The following ALK variants were observed in gnomAD, a reference collection of about 807,000 sequenced individuals.
ALK encodes ALK receptor tyrosine kinase.
In ALK, 74 loss-of-function variants were observed where a neutral mutation model predicts 163.1. The observed-to-expected ratio is 0.45, with a 90% CI of 0.38 to 0.55. The LOEUF is 0.55. Ranked by LOEUF, ALK falls within the 20% of genes least tolerant of loss-of-function variation. The pLI, the probability that ALK is intolerant of heterozygous loss-of-function variation, is 0.00. For missense variants in ALK, 2,063 were observed against 2,105.3 expected (o/e 0.98, Z 0.39); for synonymous variants, 960 against 843.2 (o/e 1.14, Z -2.40).
intron 16 of ALK, among the ~76,000 whole-genome samples, chr2:29,228,424 G>A (rs891788671): frequency 6.6e-6 from 1 of 152,186 alleles, no homozygotes; most frequent in Admixed American, 6.5e-5. Flanking sequence ...CCTGCCTGCA[G>A]TTGCCCTCGG....
chr2:29,360,635 C>A (rs10199963), intron 5 of ALK, among the ~76,000 whole-genome samples: 13,863 of 152,106 alleles, frequency 0.091, 788 homozygotes, highest in African/African-American at 0.16. Context: ...GGACTCTTAT[C>A]CTCAAAGAGT....
At chr2:29,669,238 T>G (rs533880109) in intron 3 of ALK, among the ~76,000 whole-genome samples, 5 of 152,228 alleles carry the variant, frequency 3.3e-5, no homozygotes, top group African/African-American at 9.6e-5. Context: ...TATCTCTCCC[T>G]TTAGATCTAT....
intron 3 of ALK, among the ~76,000 whole-genome samples, chr2:29,691,541 C>T (rs1050695716): frequency 6.6e-6 from 1 of 152,176 alleles, no homozygotes; most frequent in Admixed American, 6.5e-5. Flanking sequence ...AACAGATATT[C>T]CAATCCTGAT....
chr2:29,835,999 G>A (rs907459098), intron 1 of ALK, among the ~76,000 whole-genome samples: 2 of 152,048 alleles, frequency 1.3e-5, no homozygotes, highest in African/African-American at 4.8e-5. Context: ...CATCACCGAG[G>A]CACAACTTCC....
intron 8 of ALK, among the ~76,000 whole-genome samples, chr2:29,304,507 A>AG (rs908003984): frequency 5.3e-5 from 8 of 151,534 alleles, no homozygotes; most frequent in African/African-American, 9.7e-5. Flanking sequence ...AAAAAAAAAA[A>AG]AAAAGAAAAG....
At chr2:29,845,708 A>G (rs916108968) in intron 1 of ALK, among the ~76,000 whole-genome samples, 7 of 152,242 alleles carry the variant, frequency 4.6e-5, no homozygotes, top group Non-Finnish European at 1.0e-4. Context: ...TACTAGGATG[A>G]CAGGTGTGAG....
At chr2:29,393,346 A>G (rs549172278) in intron 4 of ALK, among the ~76,000 whole-genome samples, 1 of 152,130 alleles carries the variant, frequency 6.6e-6, no homozygotes. Context: ...CTCTTCCCCA[A>G]AATCAGTCAT....
At chr2:29,562,862 C>A (rs538039188) in intron 3 of ALK, among the ~76,000 whole-genome samples, 1 of 152,290 alleles carries the variant, frequency 6.6e-6, no homozygotes, top group Admixed American at 6.5e-5. Context: ...CAACAGAGGG[C>A]TTAACAGATT....
chr2:29,539,998 C>G (rs1673369811), intron 3 of ALK, among the ~76,000 whole-genome samples: 1 of 152,014 alleles, frequency 6.6e-6, no homozygotes, highest in African/African-American at 2.4e-5. Flanking sequence ...CAGTTAGAAT[C>G]TGTTTTCTTT....
intron 2 of ALK, among the ~76,000 whole-genome samples, chr2:29,712,602 T>C (rs1233127228): frequency 6.6e-6 from 1 of 151,048 alleles, no homozygotes; most frequent in East Asian, 1.9e-4. Flanking sequence ...CCATTTTTGA[T>C]TCTGTGTTAG....
At chr2:29,617,135 C>G (rs1332799678) in intron 3 of ALK, among the ~76,000 whole-genome samples, 1 of 152,194 alleles carries the variant, frequency 6.6e-6, no homozygotes, top group Non-Finnish European at 1.5e-5. Flanking sequence ...GGTTTGCAAA[C>G]TGATATCATC....
intron 1 of ALK, among the ~76,000 whole-genome samples, chr2:29,874,720 G>C (rs538650482): frequency 1.3e-5 from 2 of 152,328 alleles, no homozygotes; most frequent in South Asian, 4.1e-4. Flanking sequence ...GGGGAGACAA[G>C]AGTGGATTCT....
intron 4 of ALK, among the ~76,000 whole-genome samples, chr2:29,521,049 C>T (rs549922192): frequency 1.3e-5 from 2 of 152,316 alleles, no homozygotes; most frequent in Middle Eastern, 3.4e-3. Context: ...ACCAATTTGA[C>T]TGTGGGTTCT....
intron 3 of ALK, among the ~76,000 whole-genome samples, chr2:29,641,947 T>C (rs913789394): frequency 3.3e-5 from 5 of 152,304 alleles, no homozygotes; most frequent in Non-Finnish European, 7.3e-5. Context: ...TACATAAGAA[T>C]GAGCTAGGAA....
intron 5 of ALK, among the ~76,000 whole-genome samples, chr2:29,330,996 C>G (rs989970197): frequency 2.6e-5 from 4 of 152,206 alleles, no homozygotes; most frequent in Non-Finnish European, 5.9e-5. Flanking sequence ...GTAGTTTTTA[C>G]AGCAGCAATA....
At chr2:29,203,315 G>T (rs1669227398) in intron 26 of ALK, among the ~76,000 whole-genome samples, 1 of 151,570 alleles carries the variant, frequency 6.6e-6, no homozygotes, top group Non-Finnish European at 1.5e-5. Flanking sequence ...TTCAAAATGT[G>T]GAGGTTTTTC....
intron 1 of ALK, among the ~76,000 whole-genome samples, chr2:29,757,238 G>T (rs1680562398): frequency 6.6e-6 from 1 of 152,180 alleles, no homozygotes; most frequent in South Asian, 2.1e-4. Flanking sequence ...AGCCAGACGG[G>T]CATCTTGGAG....
intron 1 of ALK, among the ~76,000 whole-genome samples, chr2:29,875,791 T>C (rs186767640): frequency 6.6e-6 from 1 of 152,356 alleles, no homozygotes; most frequent in Non-Finnish European, 1.5e-5. Context: ...TAGTATTCCA[T>C]GGTGTGTATG....
At chr2:29,868,038 C>T (rs1666483605) in intron 1 of ALK, among the ~76,000 whole-genome samples, 1 of 152,172 alleles carries the variant, frequency 6.6e-6, no homozygotes, top group Non-Finnish European at 1.5e-5. Flanking sequence ...ATCTGGGAAG[C>T]TCAAAGCCTT....
Sources: gnomAD v4.1 joint callset for allele counts (sites outside exome capture counted in the v4.1 genomes callset) on GRCh38, gnomAD v4.1.1 for gene constraint, MANE v1.5 for transcripts, NCBI Gene and HGNC (gene_info 2026-07-23, HGNC 2026-07-21) for gene names.